The following TRDN variants were observed in gnomAD, a reference collection of about 807,000 sequenced individuals.
The protein encoded by TRDN is triadin.
Under a neutral mutation model 149.7 loss-of-function variants are expected in TRDN, and 161 were observed. The ratio of observed to expected loss-of-function variants is 1.08; its 90% CI spans 0.95 to 1.23. The LOEUF is 1.23. Ranked by LOEUF, TRDN falls within the 50% of genes most tolerant of loss-of-function variation. The pLI is 0.00. For synonymous variants in TRDN, 294 were observed against 250.5 expected, an observed-to-expected ratio of 1.17 and a Z score of -1.64; for missense variants, 896 against 823.5, an observed-to-expected ratio of 1.09 and a Z score of -1.08.
At chr6:123,523,310 C>G (rs183062654) in intron 5 of TRDN, among the ~76,000 whole-genome samples, 1 of 152,102 alleles carries the variant, frequency 6.6e-6, no homozygotes, top group African/African-American at 2.4e-5. Context: ...ACAGCTCAGC[C>G]TGCCTGCAGT....
At chr6:123,606,100 G>A (rs1200474922) in intron 1 of TRDN, among the ~76,000 whole-genome samples, 1 of 151,974 alleles carries the variant, frequency 6.6e-6, no homozygotes, top group Non-Finnish European at 1.5e-5. Flanking sequence ...TATAGTGCAA[G>A]CAAGATAAAA....
In TRDN at chr6:123,221,471, C is replaced by T. The variant is rs543899749; in HGVS notation, c.2050+16G>A. 225 of 1,523,686 alleles carry T rather than the reference C, an allele frequency of 1.5e-4. 4 individuals are homozygous for T. The South Asian group carries it at 1.6e-3, about 11-fold the overall frequency. The allele number at this position is 1,523,686 out of a possible 1,614,324, so 94.4% of individuals were successfully genotyped here. ...TACAGAATGATTTATTACTTTTAAT[C>T]TCATTATAAACTTACTTTTCTGCTT... is the stretch of plus-strand genomic sequence containing the variant. On this transcript the variant is annotated intron_variant, in intron 40 of 40. Coordinates refer to ENST00000334268, the MANE Select transcript of TRDN (RefSeq NM_006073.4).
At chr6:123,504,027 G>A in intron 7 of TRDN, 126 bp from the exon 8 acceptor site, 1 of 997,116 alleles carries the variant, frequency 1.0e-6, no homozygotes, top group Non-Finnish European at 1.4e-6. Flanking sequence ...AAGTGTTTAT[G>A]TTAAGAACAG....
intron 38 of TRDN, among the ~76,000 whole-genome samples, chr6:123,226,482 A>T (rs1168601187): frequency 6.6e-6 from 1 of 151,878 alleles, no homozygotes; most frequent in Non-Finnish European, 1.5e-5. Context: ...AATAAATACA[A>T]ATGGAAGGAA....
At chr6:123,553,431 A>G (rs958216793) in intron 2 of TRDN, among the ~76,000 whole-genome samples, 1 of 142,620 alleles carries the variant, frequency 7.0e-6, no homozygotes, top group African/African-American at 2.8e-5. Flanking sequence ...GGAAGGCAAG[A>G]AAACAGGGGT....
At chr6:123,381,254 T>G in intron 16 of TRDN, 116 bp downstream of exon 16, 2 of 939,202 alleles carry the variant, frequency 2.1e-6, no homozygotes. Context: ...ACAACAGAGT[T>G]CACATGCATA....
chr6:123,542,741 A>G (rs1780899953), intron 4 of TRDN, among the ~76,000 whole-genome samples: 1 of 152,090 alleles, frequency 6.6e-6, no homozygotes, highest in African/African-American at 2.4e-5. Flanking sequence ...GAAAAACACT[A>G]AGATACCTAT....
chr6:123,467,702 A>G (rs994583106), intron 9 of TRDN, among the ~76,000 whole-genome samples: 18 of 152,142 alleles, frequency 1.2e-4, no homozygotes, highest in Admixed American at 6.6e-4. Flanking sequence ...TTTGGTCCTG[A>G]CTCATATAAT....
chr6:123,278,238 A>T, intron 26 of TRDN, 80 bp downstream of exon 26: 1 of 971,200 alleles, frequency 1.0e-6, no homozygotes, highest in South Asian at 1.7e-5. Flanking sequence ...TTGTACTAGG[A>T]CATGACATTT....
At chr6:123,581,676 A>C (rs1013183383) in intron 1 of TRDN, among the ~76,000 whole-genome samples, 3 of 152,210 alleles carry the variant, frequency 2.0e-5, no homozygotes, top group Non-Finnish European at 4.4e-5. Context: ...GGTAGAAGTA[A>C]AAACATGTCT....
intron 12 of TRDN, among the ~76,000 whole-genome samples, chr6:123,394,899 T>C (rs1772656235): frequency 6.6e-6 from 1 of 152,100 alleles, no homozygotes; most frequent in African/African-American, 2.4e-5. Context: ...GCTAGTACCA[T>C]CTTTGTCAAA....
chr6:123,624,807 G>A (rs901793242), intron 1 of TRDN, among the ~76,000 whole-genome samples: 4 of 152,052 alleles, frequency 2.6e-5, no homozygotes, highest in African/African-American at 9.7e-5. Flanking sequence ...ATGTGGGGAT[G>A]GAAATCAGCA....
At chr6:123,457,549 C>T in intron 10 of TRDN, 1 of 438,698 alleles carries the variant, frequency 2.3e-6, no homozygotes, top group Non-Finnish European at 4.5e-6. Context: ...TCATTTCTTT[C>T]CCTTTTCATT....
At chr6:123,530,674 C>T (rs550493040) in intron 4 of TRDN, 109 bp from the exon 5 acceptor site, 3 of 617,736 alleles carry the variant, frequency 4.9e-6, no homozygotes, top group Non-Finnish European at 7.0e-6. Context: ...AATTATTATA[C>T]AGTTACTAAC....
At chr6:123,547,124 C>G (rs888527995) in intron 4 of TRDN, among the ~76,000 whole-genome samples, 1 of 151,948 alleles carries the variant, frequency 6.6e-6, no homozygotes, top group African/African-American at 2.4e-5. Flanking sequence ...CCATACAAAT[C>G]TACTGAATAA....
chr6:123,576,201 A>C (rs1252941582), intron 1 of TRDN, among the ~76,000 whole-genome samples: 1 of 152,166 alleles, frequency 6.6e-6, no homozygotes, highest in Non-Finnish European at 1.5e-5. Flanking sequence ...CATGTAAATA[A>C]GAACTTCATA....
At chr6:123,370,607 C>T (rs1015700406) in intron 19 of TRDN, among the ~76,000 whole-genome samples, 5 of 152,246 alleles carry the variant, frequency 3.3e-5, no homozygotes, top group Non-Finnish European at 7.4e-5. Flanking sequence ...AGTGAAATTG[C>T]TAGGCATGTA....
intron 23 of TRDN, among the ~76,000 whole-genome samples, chr6:123,322,300 C>T (rs1343182829): frequency 6.6e-6 from 1 of 152,134 alleles, no homozygotes; most frequent in Non-Finnish European, 1.5e-5. Context: ...AACAAACAAA[C>T]AGGCAAAAGC....
chr6:123,244,469 A>C (rs1328083499), intron 38 of TRDN, among the ~76,000 whole-genome samples: 2 of 152,128 alleles, frequency 1.3e-5, no homozygotes, highest in Non-Finnish European at 2.9e-5. Flanking sequence ...CAATAGCCAA[A>C]CTGATCAGAA....
Sources: gnomAD v4.1 joint callset for allele counts (sites outside exome capture counted in the v4.1 genomes callset) on GRCh38, gnomAD v4.1.1 for gene constraint, MANE v1.5 for transcripts, NCBI Gene and HGNC (gene_info 2026-07-23, HGNC 2026-07-21) for gene names.